Variants in TENM2 observed in about 807,000 individuals in gnomAD.
The protein encoded by TENM2 is teneurin-2.
In TENM2, 52 loss-of-function variants were observed where a neutral mutation model predicts 245.2. That is an observed-to-expected ratio of 0.21 (90% CI 0.17 to 0.27). The LOEUF is 0.27. Ranked by LOEUF, TENM2 falls within the 10% of genes least tolerant of loss-of-function variation. The probability of loss-of-function intolerance (pLI) is 1.00; values close to 1 mark genes in which losing one functional copy is unlikely to be tolerated. For synonymous variants in TENM2, 1,363 were observed against 1,438.9 expected (o/e 0.95, Z 1.19); for missense variants, 3,046 against 3,666.8 (o/e 0.83, Z 4.37).
intron 2 of TENM2, among the ~76,000 whole-genome samples, chr5:167,644,739 C>T (rs747650389): frequency 6.6e-6 from 1 of 152,106 alleles, no homozygotes; most frequent in Non-Finnish European, 1.5e-5. Flanking sequence ...ATCTTACAGC[C>T]CAGGTTCTTA....
the TENM2 span, among the ~76,000 whole-genome samples, chr5:167,034,048 G>C: frequency 1.3e-5 from 2 of 152,148 alleles, no homozygotes; most frequent in South Asian, 2.1e-4. Flanking sequence ...TATTTTTCTT[G>C]TGTATTCTGA....
chr5:167,952,784 C>G (rs1439717578), exon 4 of TENM2: 1 of 1,568,666 alleles, frequency 6.4e-7, no homozygotes, highest in African/African-American at 1.4e-5. Flanking sequence ...AGCTTCAGGA[C>G]AGCTGGGTGC....
chr5:168,258,567 A>G (rs1246040792), intron 27 of TENM2, among the ~76,000 whole-genome samples: 1 of 152,164 alleles, frequency 6.6e-6, no homozygotes, highest in Non-Finnish European at 1.5e-5. Flanking sequence ...AACAAAGCAC[A>G]CTGCATGCTC....
chr5:168,005,743 T>C (rs1239703069), intron 5 of TENM2, among the ~76,000 whole-genome samples: 1 of 152,148 alleles, frequency 6.6e-6, no homozygotes. Flanking sequence ...AAAAATTCTT[T>C]GTGTTGTATA....
intron 2 of TENM2, 81 bp from the exon 5 acceptor site, chr5:167,875,905 G>A: frequency 1.2e-6 from 1 of 804,824 alleles, no homozygotes; most frequent in Non-Finnish European, 2.0e-6. Context: ...TTTATATTGT[G>A]AGCTGGTTTC....
intron 20 of TENM2, among the ~76,000 whole-genome samples, chr5:168,212,212 A>G (rs981174436): frequency 6.6e-6 from 1 of 152,186 alleles, no homozygotes; most frequent in African/African-American, 2.4e-5. Flanking sequence ...TTAATTGCCA[A>G]TCTGCTGATC....
At chr5:167,436,409 C>T (rs898447681) in intron 2 of TENM2, among the ~76,000 whole-genome samples, 1 of 152,002 alleles carries the variant, frequency 6.6e-6, no homozygotes, top group Non-Finnish European at 1.5e-5. Context: ...GCAAAGCATT[C>T]AAGAGGTAAT....
chr5:167,322,441 C>G (rs1756820156), intron 1 of TENM2, among the ~76,000 whole-genome samples: 2 of 152,108 alleles, frequency 1.3e-5, no homozygotes, highest in Non-Finnish European at 2.9e-5. Flanking sequence ...ATATCACATT[C>G]AAATCCCACT....
intron 2 of TENM2, among the ~76,000 whole-genome samples, chr5:167,652,782 G>A (rs1561640526): frequency 6.6e-6 from 1 of 152,056 alleles, no homozygotes; most frequent in Non-Finnish European, 1.5e-5. Flanking sequence ...AGGTCTTTCG[G>A]ACCTGAAATA....
At chr5:168,072,792 A>G (rs1581221115) in intron 7 of TENM2, among the ~76,000 whole-genome samples, 1 of 152,228 alleles carries the variant, frequency 6.6e-6, no homozygotes, top group Non-Finnish European at 1.5e-5. Context: ...ATGGAGATGA[A>G]TCAATCAATC....
At chr5:167,391,871 G>A (rs1407325624) in intron 2 of TENM2, among the ~76,000 whole-genome samples, 1 of 152,000 alleles carries the variant, frequency 6.6e-6, no homozygotes, top group African/African-American at 2.4e-5. Flanking sequence ...GCATAGGAGT[G>A]GCCCATATAT....
At chr5:167,412,978 T>G (rs969233059) in intron 2 of TENM2, among the ~76,000 whole-genome samples, 3 of 152,132 alleles carry the variant, frequency 2.0e-5, no homozygotes, top group Admixed American at 2.0e-4. Context: ...CTGCCAAATG[T>G]TAATCCCTTT....
chr5:167,262,095 G>T, the TENM2 span, among the ~76,000 whole-genome samples: 2 of 152,138 alleles, frequency 1.3e-5, no homozygotes, highest in South Asian at 2.1e-4. Context: ...TTAAATTGGG[G>T]TCCCTTTGGG....
chr5:167,196,476 A>G, the TENM2 span, among the ~76,000 whole-genome samples: 1 of 150,342 alleles, frequency 6.7e-6, no homozygotes, highest in African/African-American at 2.5e-5. Context: ...GTGTGTATAT[A>G]TATATGTGTG....
At chr5:167,283,239 G>A (rs1371996007), upstream of TENM2, among the ~76,000 whole-genome samples, 1 of 151,876 alleles carries the variant, frequency 6.6e-6, no homozygotes, top group African/African-American at 2.4e-5. Flanking sequence ...AGTAGAGACG[G>A]GGTTTCACTA....
the TENM2 span, among the ~76,000 whole-genome samples, chr5:167,090,121 T>C: frequency 6.6e-6 from 1 of 152,154 alleles, no homozygotes; most frequent in African/African-American, 2.4e-5. Context: ...TTTTTTAAAA[T>C]AATTTATTAC....
At chr5:167,335,391 G>T (rs1271424149) in intron 1 of TENM2, among the ~76,000 whole-genome samples, 1 of 152,158 alleles carries the variant, frequency 6.6e-6, no homozygotes, top group African/African-American at 2.4e-5. Flanking sequence ...AACACTGGGG[G>T]TTACATTTCA....
chr5:167,269,317 G>T, the TENM2 span, among the ~76,000 whole-genome samples: 1 of 151,912 alleles, frequency 6.6e-6, no homozygotes, highest in Non-Finnish European at 1.5e-5. Context: ...TTTATTGGGC[G>T]CTCTTTAATG....
At chr5:168,038,103 TC>T (rs1787869841) in intron 5 of TENM2, among the ~76,000 whole-genome samples, 1 of 152,166 alleles carries the variant, frequency 6.6e-6, no homozygotes, top group Admixed American at 6.5e-5. Flanking sequence ...CAGGTTCAAA[TC>T]CCACCTCTAA....
Sources: allele counts gnomAD v4.1 joint callset (sites outside exome capture counted in the v4.1 genomes callset), GRCh38; gene constraint gnomAD v4.1.1; transcripts MANE v1.5; gene names NCBI Gene and HGNC (gene_info 2026-07-23, HGNC 2026-07-21).